Variants in GPHN observed in about 807,000 individuals in gnomAD.
GPHN encodes the protein gephyrin.
In GPHN, 17 loss-of-function variants were observed where a neutral mutation model predicts 95.5. The ratio of observed to expected loss-of-function variants is 0.18; its 90% CI spans 0.12 to 0.27. The LOEUF (loss-of-function observed/expected upper bound fraction) is 0.27, where lower values mean the gene tolerates loss of function less well. Among genes scored for constraint, GPHN ranks in the 10% least tolerant of loss-of-function variants. GPHN has a pLI of 1.00. For synonymous variants in GPHN, 320 were observed against 322.5 expected, an observed-to-expected ratio of 0.99 and a Z score of 0.08; for missense variants, 660 against 978.1, an observed-to-expected ratio of 0.67 and a Z score of 4.34.
the GPHN span, among the ~76,000 whole-genome samples, chr14:67,296,203 G>C: frequency 6.6e-6 from 1 of 152,192 alleles, no homozygotes; most frequent in Admixed American, 6.5e-5. Context: ...GCGTAAGAAA[G>C]AGGAAAAGGC....
downstream of GPHN, among the ~76,000 whole-genome samples, chr14:67,182,462 C>G (rs2083340128): frequency 6.6e-6 from 1 of 152,096 alleles, no homozygotes; most frequent in South Asian, 2.1e-4. Flanking sequence ...AAATAGTAAA[C>G]AAATATTTGA....
chr14:67,398,010 C>G, the GPHN span: 1 of 420,590 alleles, frequency 2.4e-6, no homozygotes, highest in East Asian at 3.5e-5. Flanking sequence ...CACTGACCTT[C>G]TAGTTCCTAT....
intron 18 of GPHN, among the ~76,000 whole-genome samples, chr14:67,150,411 AGCCT>A (rs1044328961): frequency 7.5e-6 from 1 of 133,764 alleles, no homozygotes; most frequent in Non-Finnish European, 1.5e-5. Flanking sequence ...ACTGCACTCC[AGCCT>A]GGGCGACAGA....
the GPHN span, among the ~76,000 whole-genome samples, chr14:67,213,583 G>T: frequency 6.6e-6 from 1 of 151,970 alleles, no homozygotes; most frequent in Non-Finnish European, 1.5e-5. Flanking sequence ...ATTTGGCTTG[G>T]TTCCAAGTCT....
the GPHN span, chr14:67,580,050 A>T: frequency 1.6e-6 from 1 of 613,194 alleles, no homozygotes; most frequent in Non-Finnish European, 2.8e-6. Flanking sequence ...GGGCAGGGAG[A>T]AAAAAGCTGT....
At chr14:67,279,148 G>A in the GPHN span, 9 of 1,520,788 alleles carry the variant, frequency 5.9e-6, no homozygotes, top group African/African-American at 8.4e-5. Flanking sequence ...TATAAAAAGT[G>A]GTACAGGTTT....
chr14:66,956,161 G>C (rs2068493339), intron 8 of GPHN, among the ~76,000 whole-genome samples: 1 of 151,982 alleles, frequency 6.6e-6, no homozygotes, highest in Non-Finnish European at 1.5e-5. Context: ...TAGTTTCTTA[G>C]GGTGGAAGAT....
At chr14:67,730,544 G>C in the GPHN span, among the ~76,000 whole-genome samples, 1 of 152,146 alleles carries the variant, frequency 6.6e-6, no homozygotes, top group African/African-American at 2.4e-5. Flanking sequence ...TGCTCAGCTG[G>C]TAAGTACAAT....
intron 1 of GPHN, among the ~76,000 whole-genome samples, chr14:66,547,791 G>T (rs944311182): frequency 6.6e-6 from 1 of 152,180 alleles, no homozygotes; most frequent in Non-Finnish European, 1.5e-5. Flanking sequence ...TCATGTACTG[G>T]TGTGCATACC....
intron 19 of GPHN, among the ~76,000 whole-genome samples, chr14:67,164,739 C>A (rs1027640191): frequency 6.6e-6 from 1 of 151,746 alleles, no homozygotes; most frequent in South Asian, 2.1e-4. Flanking sequence ...TGATCCACCC[C>A]CCTCAGCCTC....
rs1288253382 is a variant in GPHN, at chr14:66,956,475, G to A, written c.829-8716G>A. ...GAATCGCCACACTGACTTCCACAATGGTTGAACTAGTTTACAGTCCCACCA... is the reference window on the plus strand; with the variant it reads ...GAATCGCCACACTGACTTCCACAATAGTTGAACTAGTTTACAGTCCCACCA... On this transcript the variant is annotated intron_variant, in intron 8 of 22. Coordinates refer to ENST00000478722, the MANE Select transcript of GPHN (RefSeq NM_020806.5). Among the ~76,000 whole-genome samples, 4 of 151,984 alleles carry A rather than the reference G, an allele frequency of 2.6e-5. No individual in the cohort carries two copies. In the East Asian group the frequency reaches 7.7e-4, roughly 29 times the overall value.
rs767455551 is a variant in GPHN, at chr14:67,157,604, G to A, written c.1837-1811G>A. 5.3e-5 allele frequency among the ~76,000 whole-genome samples: 8 copies of A among 151,870 alleles called. No individual in the cohort carries two copies. The South Asian group carries it at 6.2e-4, about 12-fold the overall frequency. ...TTTGGGAGGCCAGGGTGGGTGGATC[G>A]CTTGAGGCCAGGAGTTCAAGACCAG... On this transcript the variant is annotated intron_variant, in intron 18 of 22. Transcript: ENST00000478722.
At chr14:67,079,614 G>T (rs1048877367) in intron 11 of GPHN, among the ~76,000 whole-genome samples, 2 of 143,418 alleles carry the variant, frequency 1.4e-5, no homozygotes, top group South Asian at 4.4e-4. Flanking sequence ...CCTTTGTTGT[G>T]GTGGTAAAAA....
At chr14:67,281,635 C>T in the GPHN span, among the ~76,000 whole-genome samples, 1 of 152,012 alleles carries the variant, frequency 6.6e-6, no homozygotes. Context: ...AAGTATTTGT[C>T]CATTTGGTTT....
the GPHN span, among the ~76,000 whole-genome samples, chr14:67,532,304 T>A: frequency 6.6e-6 from 1 of 152,148 alleles, no homozygotes; most frequent in African/African-American, 2.4e-5. Flanking sequence ...CAGGCGCTGA[T>A]GGTATTTTGC....
chr14:67,682,472 AG>A, the GPHN span, among the ~76,000 whole-genome samples: 1 of 152,234 alleles, frequency 6.6e-6, no homozygotes, highest in African/African-American at 2.4e-5. Context: ...TCCCCAACAA[AG>A]AAACAAATGA....
At chr14:66,922,469 T>C (rs1345028944) in intron 6 of GPHN, among the ~76,000 whole-genome samples, 197 bp from the exon 7 acceptor site, 1 of 152,182 alleles carries the variant, frequency 6.6e-6, no homozygotes, top group Non-Finnish European at 1.5e-5. Flanking sequence ...TGTAGTTCCT[T>C]AGCTTATGGA....
the GPHN span, among the ~76,000 whole-genome samples, chr14:67,696,534 A>G: frequency 6.6e-6 from 1 of 152,092 alleles, no homozygotes; most frequent in Non-Finnish European, 1.5e-5. Flanking sequence ...TGATTTTTCT[A>G]GTGTTTGAGT....
At chr14:67,642,926 C>A in the GPHN span, among the ~76,000 whole-genome samples, 503 of 151,236 alleles carry the variant, frequency 3.3e-3, 18 homozygotes, top group East Asian at 0.083. Context: ...CCTCAGCCTC[C>A]CAAGTAGCTG....
Sources: gnomAD v4.1 joint callset for allele counts (sites outside exome capture counted in the v4.1 genomes callset) on GRCh38, gnomAD v4.1.1 for gene constraint, MANE v1.5 for transcripts, NCBI Gene and HGNC (gene_info 2026-07-23, HGNC 2026-07-21) for gene names.